Variants in DNER observed in about 807,000 individuals in gnomAD.
The protein encoded by DNER is delta/notch like EGF repeat containing.
Under a neutral mutation model 78.2 loss-of-function variants are expected in DNER, and 33 were observed. That is an observed-to-expected ratio of 0.42 (90% CI 0.32 to 0.56). DNER has a LOEUF of 0.56. Ranked by LOEUF, DNER falls within the 20% of genes least tolerant of loss-of-function variation. The pLI, the probability that DNER is intolerant of heterozygous loss-of-function variation, is 0.11. For missense variants in DNER, 918 were observed against 975.3 expected (o/e 0.94, Z 0.78); for synonymous variants, 417 against 384.8 (o/e 1.08, Z -0.98).
chr2:229,553,351 T>C (rs1696786915), intron 4 of DNER, among the ~76,000 whole-genome samples: 1 of 152,184 alleles, frequency 6.6e-6, no homozygotes, highest in African/African-American at 2.4e-5. Context: ...GTTCCCCACA[T>C]TCTATGCAGA....
At chr2:229,534,968 T>C (rs1696375004) in intron 5 of DNER, among the ~76,000 whole-genome samples, 1 of 152,098 alleles carries the variant, frequency 6.6e-6, no homozygotes, top group African/African-American at 2.4e-5. Flanking sequence ...CCCAAGTAGC[T>C]GGGATTATAG....
intron 5 of DNER, among the ~76,000 whole-genome samples, chr2:229,535,428 G>A (rs1052538688): frequency 6.6e-6 from 1 of 152,170 alleles, no homozygotes; most frequent in African/African-American, 2.4e-5. Context: ...TTTGTCCAGA[G>A]GGCCAGTAGA....
intron 8 of DNER, among the ~76,000 whole-genome samples, chr2:229,430,115 C>G (rs921467643): frequency 6.6e-6 from 1 of 152,050 alleles, no homozygotes; most frequent in African/African-American, 2.4e-5. Flanking sequence ...TTACCAGTGC[C>G]TGTTTTGCAC....
intron 1 of DNER, among the ~76,000 whole-genome samples, chr2:229,661,051 A>G (rs913011620): frequency 5.3e-5 from 8 of 152,166 alleles, no homozygotes; most frequent in African/African-American, 1.9e-4. Context: ...TGCCATCCCA[A>G]TCCCTACCTG....
At chr2:229,445,657 C>T (rs1694325724) in intron 8 of DNER, among the ~76,000 whole-genome samples, 2 of 152,204 alleles carry the variant, frequency 1.3e-5, no homozygotes, top group Admixed American at 1.3e-4. Context: ...AATAATTCAG[C>T]TCAAGACACA....
intron 5 of DNER, among the ~76,000 whole-genome samples, chr2:229,527,023 T>C (rs1370620762): frequency 6.6e-6 from 1 of 152,142 alleles, no homozygotes; most frequent in Non-Finnish European, 1.5e-5. Flanking sequence ...TTTTTCTAAG[T>C]ATTAGTTACA....
At chr2:229,385,098 T>C (rs1226505161) in intron 11 of DNER, among the ~76,000 whole-genome samples, 1 of 134,410 alleles carries the variant, frequency 7.4e-6, no homozygotes, top group Admixed American at 8.0e-5. Flanking sequence ...CGAGACTCCA[T>C]CTAAAAAAAA....
chr2:229,650,478 C>G (rs545305749), intron 1 of DNER, among the ~76,000 whole-genome samples: 1 of 152,300 alleles, frequency 6.6e-6, no homozygotes, highest in African/African-American at 2.4e-5. Flanking sequence ...TCCTGAAAAG[C>G]AGGTTTCATC....
intron 9 of DNER, among the ~76,000 whole-genome samples, chr2:229,416,615 C>T (rs963069412): frequency 3.3e-5 from 5 of 152,156 alleles, no homozygotes; most frequent in South Asian, 2.1e-4. Flanking sequence ...TAGGGTCAGA[C>T]GCAGCACAAT....
intron 1 of DNER, among the ~76,000 whole-genome samples, chr2:229,707,180 A>ATTTTTTTTTTT (rs397868353): frequency 7.4e-5 from 7 of 94,604 alleles, no homozygotes; most frequent in African/African-American, 1.3e-4. Flanking sequence ...CGGCTGGCTA[A>ATTTTTTTTTTT]TTTTTTTTTT....
chr2:229,518,534 A>C (rs546050465), intron 5 of DNER, among the ~76,000 whole-genome samples: 1 of 152,342 alleles, frequency 6.6e-6, no homozygotes, highest in East Asian at 1.9e-4. Context: ...TATCTCAATC[A>C]AAGTCTAGTT....
chr2:229,394,634 A>G (rs1385156801), intron 10 of DNER, among the ~76,000 whole-genome samples: 1 of 152,198 alleles, frequency 6.6e-6, no homozygotes, highest in East Asian at 1.9e-4. Flanking sequence ...CAAAAATGCC[A>G]GCGTCTTTAG....
chr2:229,652,290 C>T (rs1214442326), intron 1 of DNER, among the ~76,000 whole-genome samples: 2 of 152,172 alleles, frequency 1.3e-5, no homozygotes, highest in African/African-American at 2.4e-5. Context: ...ACCTCATTCT[C>T]GTTCTCATTC....
chr2:229,569,234 T>C (rs1385198359), intron 4 of DNER, among the ~76,000 whole-genome samples: 1 of 152,178 alleles, frequency 6.6e-6, no homozygotes, highest in African/African-American at 2.4e-5. Flanking sequence ...TTCTAGTCCC[T>C]TACATAGGCT....
At chr2:229,529,514 T>G (rs2154212777) in intron 5 of DNER, among the ~76,000 whole-genome samples, 1 of 152,338 alleles carries the variant, frequency 6.6e-6, no homozygotes, top group East Asian at 1.9e-4. Context: ...CCCTTTAATA[T>G]TTTACTTTCA....
rs1574582540 is a variant in DNER at position 229,714,393 on chromosome 2, C to T, written c.31G>A (p.Ala11Thr). Residue 11 changes from alanine to threonine, a missense_variant, in exon 1 of 13, where the codon GCG becomes ACG. Transcript: ENST00000341772. Reference protein sequence around the residue: MQPRRAQAPGAQLLPALALLL... With the variant: MQPRRAQAPGTQLLPALALLL... ...AGGGCCAGCGCGGGCAGCAGCTGCG[C>T]ACCGGGCGCCTGGGCGCGGCGGGGC... is the stretch of plus-strand genomic sequence containing the variant. 4 of 1,188,410 alleles carry T rather than the reference C, an allele frequency of 3.4e-6. No homozygotes were observed. The highest frequency in any genetic ancestry group is 3.1e-6 in the Non-Finnish European group (3 of 962,974). The allele number at this position is 1,188,410 out of a possible 1,614,324, so 73.6% of individuals were successfully genotyped here. A position where few individuals can be genotyped will look rare whatever the true frequency, so the allele number is the denominator to read the frequency against.
At chr2:229,448,838 A>G (rs2106362845) in intron 7 of DNER, among the ~76,000 whole-genome samples, 1 of 152,300 alleles carries the variant, frequency 6.6e-6, no homozygotes, top group African/African-American at 2.4e-5. Flanking sequence ...TTGTATTCTA[A>G]TAGTCTATTA....
chr2:229,364,582 C>T (rs756364968), intron 12 of DNER, among the ~76,000 whole-genome samples: 7 of 152,190 alleles, frequency 4.6e-5, no homozygotes, highest in Non-Finnish European at 7.4e-5. Flanking sequence ...TGTCCTCCCT[C>T]GCAGTTACAT....
chr2:229,684,183 T>A (rs1699444530), intron 1 of DNER, among the ~76,000 whole-genome samples: 2 of 149,214 alleles, frequency 1.3e-5, no homozygotes, highest in African/African-American at 2.5e-5. Flanking sequence ...TGTGTGTGTG[T>A]GTGTGTGTGT....
Sources: gnomAD v4.1 joint callset for allele counts (sites outside exome capture counted in the v4.1 genomes callset) on GRCh38, gnomAD v4.1.1 for gene constraint, MANE v1.5 for transcripts, NCBI Gene and HGNC (gene_info 2026-07-23, HGNC 2026-07-21) for gene names.